Variants in IGDCC3 observed in about 807,000 individuals in gnomAD.
The protein encoded by IGDCC3 is putative neuronal cell adhesion molecule.
In IGDCC3, 47 loss-of-function variants were observed where a neutral mutation model predicts 72.0. The observed-to-expected ratio is 0.65, with a 90% CI of 0.52 to 0.83. The LOEUF (loss-of-function observed/expected upper bound fraction) is 0.83. IGDCC3 is among the 40% of genes least tolerant of loss of function. The pLI, the probability that IGDCC3 is intolerant of heterozygous loss-of-function variation, is 0.00. For missense variants in IGDCC3, 1,038 were observed against 1,091.3 expected (o/e 0.95, Z 0.69); for synonymous variants, 477 against 472.8 (o/e 1.01, Z -0.11).
rs1050190826 is a variant in IGDCC3, at chr15:65,339,327, G to A, written c.410-3371C>T. ...AAACTCCTGACCTCGTGATCCGCCCGCCTTGGCTTCCCAAAGTGCTGGGAT... is the reference window on the plus strand; with the variant it reads ...AAACTCCTGACCTCGTGATCCGCCCACCTTGGCTTCCCAAAGTGCTGGGAT... On this transcript the variant is annotated intron_variant, in intron 2 of 13. Coordinates refer to ENST00000327987, the MANE Select transcript of IGDCC3 (RefSeq NM_004884.4). This position sits in a 1 kb window ranked among gnomAD's most constrained non-coding sequence, Gnocchi z 4.1. Among the ~76,000 whole-genome samples, 1 of 152,200 alleles carries A rather than the reference G, an allele frequency of 6.6e-6. No individual in the cohort carries two copies. The highest frequency in any genetic ancestry group is 2.1e-4 in the South Asian group (1 of 4,834).
intron 2 of IGDCC3, among the ~76,000 whole-genome samples, chr15:65,369,642 T>G (rs1367719348): frequency 6.6e-6 from 1 of 152,076 alleles, no homozygotes; most frequent in Non-Finnish European, 1.5e-5. Flanking sequence ...CAGGCCTCCC[T>G]CAGTTAAGCG....
chr15:65,331,314 G>A (rs1595749292), intron 8 of IGDCC3, 98 bp downstream of exon 8: 2 of 1,566,762 alleles, frequency 1.3e-6, no homozygotes, highest in East Asian at 4.5e-5. Flanking sequence ...GGGACAGCGG[G>A]GAGAAGGAAA....
chr15:65,336,075 G>A, intron 2 of IGDCC3, 119 bp from the exon 3 acceptor site: 1 of 1,039,186 alleles, frequency 9.6e-7, no homozygotes, highest in Non-Finnish European at 1.4e-6. Context: ...AGGGGCAGGA[G>A]TTTTCCTGCA....
intron 5 of IGDCC3, 80 bp from the exon 6 acceptor site, chr15:65,333,495 G>A (rs1383113856): frequency 2.9e-6 from 4 of 1,359,444 alleles, no homozygotes; most frequent in Non-Finnish European, 3.0e-6. Context: ...CTTCCAGATG[G>A]CTTGCCCTTC....
rs2090975640 is a variant in IGDCC3, at chr15:65,331,282, G to A, written c.1397-68C>T. 3.8e-6 allele frequency: 6 copies of A among 1,586,806 alleles called. No homozygotes were observed. In the South Asian group the frequency reaches 5.8e-5, roughly 15 times the overall value. On this transcript the variant is annotated intron_variant, in intron 8 of 13. Coordinates refer to ENST00000327987, the MANE Select transcript of IGDCC3 (RefSeq NM_004884.4). ...GGAGTCCTGCCAGCATTGGTGAAAT[G>A]AGGGCAGCCAGGGTGCCCGGGGGGA... is the stretch of plus-strand genomic sequence containing the variant.
chr15:65,338,529 G>A (rs534033132), intron 2 of IGDCC3, among the ~76,000 whole-genome samples: 2 of 152,236 alleles, frequency 1.3e-5, no homozygotes, highest in East Asian at 3.9e-4. Flanking sequence ...TCTAGGGAAG[G>A]CTCTTCACCC....
chr15:65,343,539 C>A (rs1235562158), intron 2 of IGDCC3, among the ~76,000 whole-genome samples: 2 of 152,128 alleles, frequency 1.3e-5, no homozygotes, highest in African/African-American at 2.4e-5. Context: ...GTAATTGAGG[C>A]CTTGATTTCT....
Position 65,330,300 on chromosome 15 carries a change from C to T in IGDCC3, c.1851G>A (p.Glu617=). ...VRFVSLRGAS[E]RTALSPPCDC... is the part of the protein sequence containing the mutation. ...TCCATCCCCAGCCCTCACCTGTCCT[C>T]TCAGATGCTCCCCTCAAAGACACAA... The change falls in exon 11 of 14, where the codon GAG becomes GAA. Residue 617 remains glutamate (E), a synonymous_variant. Transcript: ENST00000327987. 4.3e-6 allele frequency: 7 copies of T among 1,612,600 alleles called. 1 individual carries two copies. The highest frequency in any genetic ancestry group is 5.9e-6 in the Non-Finnish European group (7 of 1,178,852).
At chr15:65,346,156 T>G (rs956191665) in intron 2 of IGDCC3, among the ~76,000 whole-genome samples, 1 of 152,204 alleles carries the variant, frequency 6.6e-6, no homozygotes, top group African/African-American at 2.4e-5. Flanking sequence ...ATAAGCACCA[T>G]GATAAGGTGG....
At chr15:65,352,107 A>T (rs1370064249) in intron 2 of IGDCC3, among the ~76,000 whole-genome samples, 2 of 152,248 alleles carry the variant, frequency 1.3e-5, no homozygotes, top group Admixed American at 6.5e-5. Context: ...CAACTGAATT[A>T]ACTGAACCAA....
At position 65,375,097 on chromosome 15, in the gene IGDCC3, T is replaced by C; in HGVS notation, c.409A>G (p.Thr137Ala). The C allele has an allele frequency of 6.2e-7, 1 of 1,611,140 alleles. No homozygotes were observed. Reference protein sequence around the residue: ...VSRKARIQAATMSDFHVHPQA... With the variant: ...VSRKARIQAAAMSDFHVHPQA... Reference sequence around the variant, plus strand: ...GGGAAAACAAGGGATATCCACTTACTTGCAGCTTGGATGCGAGCCTTCCGG... The same window carrying C: ...GGGAAAACAAGGGATATCCACTTACCTGCAGCTTGGATGCGAGCCTTCCGG... Residue 137 changes from threonine (T) to alanine (A), a missense_variant and splice_region_variant, in exon 2 of 14, where the codon ACC becomes GCC. By Grantham distance (58) the Thr-to-Ala change is moderately conservative. Coordinates refer to ENST00000327987, the MANE Select transcript of IGDCC3 (RefSeq NM_004884.4).
At chr15:65,347,737 C>G (rs2140152714) in intron 2 of IGDCC3, among the ~76,000 whole-genome samples, 1 of 152,224 alleles carries the variant, frequency 6.6e-6, no homozygotes, top group East Asian at 1.9e-4. Flanking sequence ...TCGAGACCAG[C>G]CTGACCAACA....
chr15:65,360,622 T>C (rs982817596), intron 2 of IGDCC3, among the ~76,000 whole-genome samples: 1 of 152,060 alleles, frequency 6.6e-6, no homozygotes, highest in African/African-American at 2.4e-5. Context: ...AGAAACCAAA[T>C]CTGAAGATAG....
At position 65,332,911 on chromosome 15, in the gene IGDCC3, G is replaced by A. The variant is rs552444186; in HGVS notation, c.982+346C>T. Among the ~76,000 whole-genome samples, 18 of 152,356 alleles carry A rather than the reference G, an allele frequency of 1.2e-4. No individual in the cohort carries two copies. In the East Asian group the frequency reaches 3.1e-3, roughly 26 times the overall value. On this transcript the variant is annotated intron_variant, in intron 6 of 13. Coordinates refer to ENST00000327987, the MANE Select transcript of IGDCC3 (RefSeq NM_004884.4). Reference sequence around the variant, plus strand: ...AGGTGTGAGCGTGGAGATGCCACACGTGTGAATGAAAACAGCACGTGGGAA... The same window carrying A: ...AGGTGTGAGCGTGGAGATGCCACACATGTGAATGAAAACAGCACGTGGGAA...
intron 6 of IGDCC3, among the ~76,000 whole-genome samples, chr15:65,332,754 C>T (rs907322115): frequency 4.6e-5 from 7 of 152,236 alleles, no homozygotes; most frequent in Non-Finnish European, 1.5e-5. Context: ...AACCCCACAG[C>T]CAGAGGCCGA....
intron 2 of IGDCC3, among the ~76,000 whole-genome samples, chr15:65,337,858 C>A (rs146582193): frequency 2.6e-5 from 4 of 152,284 alleles, no homozygotes; most frequent in African/African-American, 9.6e-5. Flanking sequence ...AGTTCCCAGT[C>A]CCCCAGGGAC....
chr15:65,369,557 C>T (rs1378889412), intron 2 of IGDCC3, among the ~76,000 whole-genome samples: 1 of 152,182 alleles, frequency 6.6e-6, no homozygotes, highest in Non-Finnish European at 1.5e-5. Flanking sequence ...ACTCACTCAT[C>T]GCTGGGGACA....
At chr15:65,350,447 G>A (rs2091163622) in intron 2 of IGDCC3, among the ~76,000 whole-genome samples, 1 of 147,204 alleles carries the variant, frequency 6.8e-6, no homozygotes, top group African/African-American at 2.5e-5. Flanking sequence ...ACCACGTCCA[G>A]CCTGAGACTT....
Position 65,334,921 on chromosome 15 carries a change from A to G in IGDCC3, c.686-56T>C. The G allele has an allele frequency of 1.9e-6, 3 of 1,557,356 alleles. No homozygotes were observed. In the South Asian group the frequency reaches 3.7e-5, roughly 19 times the overall value. ...CAGCTGGGGACTTTCCCGCTTCCTCACCCCACCCACAGCCCAGGACACAGC... is the reference window on the plus strand; with the variant it reads ...CAGCTGGGGACTTTCCCGCTTCCTCGCCCCACCCACAGCCCAGGACACAGC... On this transcript the variant is annotated intron_variant, in intron 4 of 13. Coordinates refer to ENST00000327987, the MANE Select transcript of IGDCC3 (RefSeq NM_004884.4).
Sources: allele counts gnomAD v4.1 joint callset (sites outside exome capture counted in the v4.1 genomes callset), GRCh38; gene constraint gnomAD v4.1.1; non-coding constraint Gnocchi (gnomAD v3.1); transcripts MANE v1.5; gene names NCBI Gene and HGNC (gene_info 2026-07-23, HGNC 2026-07-21).